Variants in ATXN1 observed in about 807,000 individuals in gnomAD.
The protein encoded by ATXN1 is ataxin-1.
In ATXN1, 8 loss-of-function variants were observed where a neutral mutation model predicts 56.4. That is an observed-to-expected ratio of 0.14 (90% confidence interval 0.08 to 0.26). ATXN1 has a LOEUF of 0.26. Ranked by LOEUF, ATXN1 falls within the 10% of genes least tolerant of loss-of-function variation. The probability of loss-of-function intolerance (pLI) is 1.00; values close to 1 mark genes in which losing one functional copy is unlikely to be tolerated. For missense variants in ATXN1, 987 were observed against 1,106.5 expected, an observed-to-expected ratio of 0.89 and a Z score of 1.53; for synonymous variants, 514 against 494.6, an observed-to-expected ratio of 1.04 and a Z score of -0.52.
intron 6 of ATXN1, among the ~76,000 whole-genome samples, chr6:16,412,537 G>A (rs1404846842): frequency 6.6e-6 from 1 of 152,052 alleles, no homozygotes; most frequent in Admixed American, 6.6e-5. Flanking sequence ...TCTATCCACG[G>A]CAACAGCGTC....
chr6:16,333,129 G>C (rs1212982831), intron 6 of ATXN1, among the ~76,000 whole-genome samples: 2 of 152,180 alleles, frequency 1.3e-5, no homozygotes, highest in African/African-American at 4.8e-5. Context: ...CTAATATTTA[G>C]GTGATGCTCC....
chr6:16,407,769 G>A (rs1198341073), intron 6 of ATXN1, among the ~76,000 whole-genome samples: 3 of 152,134 alleles, frequency 2.0e-5, no homozygotes, highest in Non-Finnish European at 1.5e-5. Flanking sequence ...GGCAAATCAG[G>A]TCTCATCTGG....
intron 2 of ATXN1, among the ~76,000 whole-genome samples, chr6:16,728,666 C>T (rs1488420934): frequency 6.6e-6 from 1 of 152,216 alleles, no homozygotes; most frequent in Non-Finnish European, 1.5e-5. Flanking sequence ...TATTGATTTT[C>T]TTAGTCCTTA....
At chr6:16,408,285 C>T (rs951674653) in intron 6 of ATXN1, among the ~76,000 whole-genome samples, 1 of 152,072 alleles carries the variant, frequency 6.6e-6, no homozygotes, top group Admixed American at 6.5e-5. Flanking sequence ...TAATAACATT[C>T]GAGAAGGGGG....
chr6:16,546,519 A>G (rs184488882), intron 4 of ATXN1, among the ~76,000 whole-genome samples: 370 of 152,318 alleles, frequency 2.4e-3, no homozygotes, highest in Non-Finnish European at 3.8e-3. Context: ...CCATAAAATT[A>G]ACACAGAAAA....
intron 2 of ATXN1, among the ~76,000 whole-genome samples, chr6:16,683,828 C>G (rs1581362510): frequency 6.6e-6 from 1 of 152,156 alleles, no homozygotes; most frequent in Non-Finnish European, 1.5e-5. Context: ...TCCCTTCTTC[C>G]TCTATTCCTC....
intron 6 of ATXN1, among the ~76,000 whole-genome samples, chr6:16,346,612 GA>G (rs1484277298): frequency 1.3e-5 from 2 of 152,344 alleles, no homozygotes; most frequent in East Asian, 3.9e-4. Context: ...ACTGGCATTT[GA>G]TAACTCGTGA....
At position 16,739,977 on chromosome 6, in the gene ATXN1, G is replaced by A. The variant is rs532539579; in HGVS notation, c.-615+13256C>T. The A allele has an allele frequency of 2.9e-4, 125 of 436,922 alleles. 2 individuals are homozygous for A. The Middle Eastern group carries it at 3.1e-3, about 11-fold the overall frequency. 27.1% of individuals were successfully genotyped at this position (436,922 alleles called of 1,614,324 possible). A position where few individuals can be genotyped will look rare whatever the true frequency, so the allele number is the denominator to read the frequency against. ...ACCAAGCAAAAGTCCCTGCCAGGCT[G>A]TATCTCCTTGACTCCTGGGGGAAAA... On this transcript the variant is annotated intron_variant, in intron 2 of 7. Coordinates refer to ENST00000436367, the MANE Select transcript of ATXN1 (RefSeq NM_001128164.2).
At chr6:16,681,631 T>C (rs1758815117) in intron 2 of ATXN1, among the ~76,000 whole-genome samples, 1 of 152,212 alleles carries the variant, frequency 6.6e-6, no homozygotes, top group South Asian at 2.1e-4. Flanking sequence ...TCCCATTAGC[T>C]CACCCTTGTC....
chr6:16,549,684 G>A (rs1462597170), intron 4 of ATXN1, among the ~76,000 whole-genome samples: 1 of 152,106 alleles, frequency 6.6e-6, no homozygotes, highest in Non-Finnish European at 1.5e-5. Flanking sequence ...GATCACCTGA[G>A]GCTGGGAGTT....
rs140872650 is a variant in ATXN1, at chr6:16,542,658, T to G, written c.-360-19970A>C. ...AAAAGACACTAAGAAATGCCACAATTGTGTCTGACACATTCAAAAGACAGT... is the reference window on the plus strand; with the variant it reads ...AAAAGACACTAAGAAATGCCACAATGGTGTCTGACACATTCAAAAGACAGT... On this transcript the variant is annotated intron_variant, in intron 4 of 7. Coordinates refer to ENST00000436367, the MANE Select transcript of ATXN1 (RefSeq NM_001128164.2). 2.1e-3 allele frequency among the ~76,000 whole-genome samples: 314 copies of G among 152,296 alleles called. 1 individual carries two copies. Among genetic ancestry groups the G allele is most frequent in the African/African-American group, 6.9e-3 (286 of 41,560 alleles).
intron 2 of ATXN1, among the ~76,000 whole-genome samples, chr6:16,700,623 C>T (rs985935912): frequency 6.6e-6 from 1 of 152,096 alleles, no homozygotes; most frequent in Non-Finnish European, 1.5e-5. Flanking sequence ...CCGACCCAAA[C>T]AATATACCCC....
intron 2 of ATXN1, chr6:16,739,602 A>G (rs1021274434): frequency 6.4e-6 from 2 of 313,304 alleles, no homozygotes; most frequent in Non-Finnish European, 1.3e-5. Flanking sequence ...AAAGGTGTGT[A>G]GCTGCAAGCC....
intron 5 of ATXN1, among the ~76,000 whole-genome samples, chr6:16,507,795 G>GAA (rs1761008340): frequency 6.6e-6 from 1 of 152,098 alleles, no homozygotes; most frequent in Non-Finnish European, 1.5e-5. Flanking sequence ...TTTAATGGAA[G>GAA]AAAACAAATT....
At chr6:16,538,587 C>T (rs1761650716) in intron 4 of ATXN1, among the ~76,000 whole-genome samples, 1 of 136,218 alleles carries the variant, frequency 7.3e-6, no homozygotes, top group Admixed American at 7.3e-5. Context: ...CCCCCCTCCC[C>T]CCACCCCACA....
At chr6:16,431,043 G>A (rs917521255) in intron 6 of ATXN1, among the ~76,000 whole-genome samples, 15 of 151,916 alleles carry the variant, frequency 9.9e-5, no homozygotes, top group Admixed American at 7.2e-4. Context: ...AGCACAGTCC[G>A]GAATGCACAT....
chr6:16,343,736 G>A (rs374979404), intron 6 of ATXN1, among the ~76,000 whole-genome samples: 119 of 152,214 alleles, frequency 7.8e-4, no homozygotes, highest in African/African-American at 2.7e-3. Flanking sequence ...TTGACGATGC[G>A]CGGCCACCTA....
At chr6:16,496,662 G>C (rs1760786802) in intron 5 of ATXN1, among the ~76,000 whole-genome samples, 1 of 152,174 alleles carries the variant, frequency 6.6e-6, no homozygotes, top group Non-Finnish European at 1.5e-5. Flanking sequence ...GCCGTGGTTT[G>C]TCTTAAGAGT....
intron 4 of ATXN1, among the ~76,000 whole-genome samples, chr6:16,568,305 T>C (rs902522006): frequency 4.6e-5 from 7 of 152,140 alleles, no homozygotes; most frequent in Non-Finnish European, 7.3e-5. Context: ...AGAGAGGCTA[T>C]CATCAAAACG....
Sources: gnomAD v4.1 joint callset for allele counts (sites outside exome capture counted in the v4.1 genomes callset) on GRCh38, gnomAD v4.1.1 for gene constraint, MANE v1.5 for transcripts, NCBI Gene and HGNC (gene_info 2026-07-23, HGNC 2026-07-21) for gene names.